ATP13A5: variants seen among roughly 807,000 people sequenced by gnomAD.
The protein encoded by ATP13A5 is ATPase 13A5.
ATP13A5 carries 149 observed loss-of-function variants against 150.2 expected under a neutral mutation model. The observed-to-expected ratio is 0.99, with a 90% confidence interval of 0.87 to 1.14. The LOEUF is 1.14. ATP13A5 is among the 50% of genes most tolerant of loss of function. The probability of loss-of-function intolerance (pLI) is 0.00; values close to 1 mark genes in which losing one functional copy is unlikely to be tolerated. For missense variants in ATP13A5, 1,383 were observed against 1,449.3 expected, an observed-to-expected ratio of 0.95 and a Z score of 0.74; for synonymous variants, 497 against 522.2, an observed-to-expected ratio of 0.95 and a Z score of 0.66.
At chr3:193,357,866 G>T (rs1712850282) in intron 5 of ATP13A5, among the ~76,000 whole-genome samples, 1 of 152,194 alleles carries the variant, frequency 6.6e-6, no homozygotes, top group African/African-American at 2.4e-5. Context: ...TGAGATATCA[G>T]TAAATCTGTT....
intron 1 of ATP13A5, among the ~76,000 whole-genome samples, chr3:193,371,782 T>C (rs769026794): frequency 6.6e-6 from 1 of 152,238 alleles, no homozygotes; most frequent in Non-Finnish European, 1.5e-5. Context: ...TCTCTTTTAA[T>C]GAGTCACCTG....
chr3:193,306,565 T>C (rs1376509443), intron 22 of ATP13A5, among the ~76,000 whole-genome samples: 2 of 152,122 alleles, frequency 1.3e-5, no homozygotes, highest in Non-Finnish European at 2.9e-5. Flanking sequence ...ATAAAACAAA[T>C]ACCAAGATCT....
rs879663776 is a variant in ATP13A5 at position 193,341,176 on chromosome 3, C to A, written c.943+2751G>T. 2.9e-3 allele frequency among the ~76,000 whole-genome samples: 395 copies of A among 135,964 alleles called. 2 individuals are homozygous for A. Among genetic ancestry groups the A allele is most frequent in the Non-Finnish European group, 4.5e-3 (287 of 63,478 alleles). The allele number at this position is 135,964 out of a possible 152,430, so 89.2% of individuals were successfully genotyped here. A position where few individuals can be genotyped will look rare whatever the true frequency, so the allele number is the denominator to read the frequency against. ...TAAATTAACATATTCCCCCCCCCTCCCAAATGATATTCCCTTTTGTCTCCA... is the reference window on the plus strand; with the variant it reads ...TAAATTAACATATTCCCCCCCCCTCACAAATGATATTCCCTTTTGTCTCCA... On this transcript the variant is annotated intron_variant, in intron 9 of 29. Coordinates refer to ENST00000342358, the MANE Select transcript of ATP13A5 (RefSeq NM_198505.4).
intron 2 of ATP13A5, 70 bp downstream of exon 2, chr3:193,364,037 A>G: frequency 6.8e-7 from 1 of 1,468,590 alleles, no homozygotes; most frequent in Non-Finnish European, 9.4e-7. Context: ...CCAGCCACAG[A>G]GTTATGCCAC....
Position 193,330,585 on chromosome 3 carries a change from C to T in ATP13A5, c.1461+538G>A, listed in dbSNP as rs116726843. 3.2e-3 allele frequency among the ~76,000 whole-genome samples: 483 copies of T among 152,322 alleles called. 2 individuals carry two copies. The highest frequency in any genetic ancestry group is 0.01 in the African/African-American group (432 of 41,586). ...GGGGTGTCAGGACCTGCTTGGTAAA[C>T]GCAGTGTTCCCCATGTGGCATATGC... is the stretch of plus-strand genomic sequence containing the variant. On this transcript the variant is annotated intron_variant, in intron 12 of 29. Coordinates refer to ENST00000342358, the MANE Select transcript of ATP13A5 (RefSeq NM_198505.4).
chr3:193,344,206 G>A (rs140687828), intron 8 of ATP13A5, 151 bp from the exon 9 acceptor site: 85 of 1,030,342 alleles, frequency 8.2e-5, no homozygotes, highest in Middle Eastern at 7.5e-4. Context: ...TGAAAATTCC[G>A]AAAGAATCAG....
intron 11 of ATP13A5, 76 bp from the exon 12 acceptor site, chr3:193,331,387 G>T: frequency 7.2e-7 from 1 of 1,380,586 alleles, no homozygotes; most frequent in South Asian, 1.4e-5. Context: ...CCAAAGGAAT[G>T]AGCACATTGT....
At chr3:193,299,609 T>C (rs1401092597) in intron 24 of ATP13A5, among the ~76,000 whole-genome samples, 1 of 152,138 alleles carries the variant, frequency 6.6e-6, no homozygotes, top group Non-Finnish European at 1.5e-5. Context: ...TCCTCACCCA[T>C]GGTATGAGTT....
At chr3:193,306,556 T>A (rs1389968602) in intron 22 of ATP13A5, among the ~76,000 whole-genome samples, 1 of 152,078 alleles carries the variant, frequency 6.6e-6, no homozygotes, top group East Asian at 1.9e-4. Flanking sequence ...AAGAGAGAAA[T>A]AAAACAAATA....
At chr3:193,349,289 C>T (rs1457421546) in intron 7 of ATP13A5, among the ~76,000 whole-genome samples, 1 of 152,142 alleles carries the variant, frequency 6.6e-6, no homozygotes, top group African/African-American at 2.4e-5. Flanking sequence ...TTTTGCAATA[C>T]TGCCACCAAG....
chr3:193,347,524 C>CTTTTCT (rs72383894), intron 7 of ATP13A5, among the ~76,000 whole-genome samples: 41 of 145,394 alleles, frequency 2.8e-4, no homozygotes, highest in Non-Finnish European at 2.7e-4. Context: ...CCTTAGATTT[C>CTTTTCT]TTTTTTTTTT....
chr3:193,364,140 C>T lies in ATP13A5; in HGVS notation c.204G>A (p.Leu68=), dbSNP rs1180415702. 1 of 1,613,898 alleles carries T rather than the reference C, an allele frequency of 6.2e-7. No homozygotes were observed. Among genetic ancestry groups the T allele is most frequent in the African/African-American group, 1.3e-5 (1 of 74,884 alleles). ...TCAGCAAAACAGTGTCTGCTTCTTG[C>T]AAGGGGCATGGGATGCAGTTGGCCC... ...RVWANCIPCP[L]QEADTVLLRT... The change falls in exon 2 of 30, where the codon TTG becomes TTA. Residue 68 remains leucine (L), a synonymous_variant. Transcript: ENST00000342358.
At chr3:193,307,059 T>G (rs752817630) in intron 22 of ATP13A5, 133 of 954,134 alleles carry the variant, frequency 1.4e-4, no homozygotes, top group Non-Finnish European at 1.6e-4. Flanking sequence ...ACTTGTAAAG[T>G]TCCATCTTTG....
In ATP13A5 at chr3:193,351,072, G is replaced by T. The variant is rs140992895; in HGVS notation, c.736C>A (p.Arg246=). Reference sequence around the variant, plus strand: ...GCTGTGATTTCAGGTCTTACCTGTCGCAAATCATACACACTTAAGACAATG... The same window carrying T: ...GCTGTGATTTCAGGTCTTACCTGTCTCAAATCATACACACTTAAGACAATG... ...ISIVLSVYDL[R]QQSVKLHNLV... Residue 246 remains arginine (R), a synonymous_variant, in exon 7 of 30, where the codon CGA becomes AGA. Coordinates refer to ENST00000342358, the MANE Select transcript of ATP13A5 (RefSeq NM_198505.4). The T allele has an allele frequency of 1.2e-6, 2 of 1,612,626 alleles. No individual in the cohort carries two copies. Among genetic ancestry groups the T allele is most frequent in the Non-Finnish European group, 1.7e-6 (2 of 1,179,174 alleles).
At chr3:193,345,170 C>T (rs1349651519) in intron 7 of ATP13A5, 95 bp from the exon 8 acceptor site, 2 of 1,178,802 alleles carry the variant, frequency 1.7e-6, no homozygotes, top group Admixed American at 3.5e-5. Context: ...GCTGTCACAG[C>T]TAAAGTGACT....
intron 5 of ATP13A5, among the ~76,000 whole-genome samples, chr3:193,354,930 A>C: frequency 1.1e-5 from 1 of 94,218 alleles, no homozygotes; most frequent in African/African-American, 4.5e-5. Context: ...TATGAATCAC[A>C]ACAATGTAAC....
chr3:193,321,888 C>T, intron 15 of ATP13A5, 51 bp from the exon 16 acceptor site: 1 of 1,590,770 alleles, frequency 6.3e-7, no homozygotes, highest in Non-Finnish European at 8.6e-7. Flanking sequence ...AGTGATATTT[C>T]CAAATGCATA....
intron 1 of ATP13A5, among the ~76,000 whole-genome samples, chr3:193,373,694 C>G (rs139415359): frequency 6.6e-6 from 1 of 152,204 alleles, no homozygotes; most frequent in Non-Finnish European, 1.5e-5. Flanking sequence ...CCTCACAAAA[C>G]TTGTGAGTCA....
intron 9 of ATP13A5, among the ~76,000 whole-genome samples, chr3:193,341,643 G>T (rs575390406): frequency 3.9e-5 from 6 of 152,258 alleles, no homozygotes; most frequent in Admixed American, 1.3e-4. Flanking sequence ...CCCTCTCCCT[G>T]ATGTCTTGCA....
Sources: allele counts gnomAD v4.1 joint callset (sites outside exome capture counted in the v4.1 genomes callset), GRCh38; gene constraint gnomAD v4.1.1; transcripts MANE v1.5; gene names NCBI Gene and HGNC (gene_info 2026-07-23, HGNC 2026-07-21).